Variants in TNRC6C observed in about 807,000 individuals in gnomAD.
The protein encoded by TNRC6C is trinucleotide repeat-containing gene 6C protein.
A neutral mutation model predicts 153.7 loss-of-function variants in TNRC6C; 20 were observed. The observed-to-expected ratio is 0.13, with a 90% CI of 0.09 to 0.19. The LOEUF is 0.19. TNRC6C is among the 10% of genes least tolerant of loss of function. TNRC6C has a pLI of 1.00. For missense variants in TNRC6C, 1,987 were observed against 2,172.0 expected (o/e 0.91, Z 1.69); for synonymous variants, 811 against 841.4 (o/e 0.96, Z 0.63).
At chr17:77,972,999 A>G (rs1431118749) in intron 1 of TNRC6C, among the ~76,000 whole-genome samples, 1 of 152,196 alleles carries the variant, frequency 6.6e-6, no homozygotes, top group Admixed American at 6.5e-5. Flanking sequence ...TCCGCCTCCC[A>G]GGTTCAAGCG....
At chr17:77,974,668 C>T (rs1179320646) in intron 1 of TNRC6C, among the ~76,000 whole-genome samples, 1 of 152,180 alleles carries the variant, frequency 6.6e-6, no homozygotes, top group African/African-American at 2.4e-5. Context: ...TTTATATTAC[C>T]ATTGTTATTC....
intron 1 of TNRC6C, among the ~76,000 whole-genome samples, chr17:77,972,539 G>T (rs1390829567): frequency 6.6e-6 from 1 of 151,470 alleles, no homozygotes; most frequent in East Asian, 1.9e-4. Flanking sequence ...ATGAAAGAGG[G>T]GACATGACTG....
At chr17:78,083,194 A>C in intron 11 of TNRC6C, 28 bp downstream of exon 13, 1 of 1,612,820 alleles carries the variant, frequency 6.2e-7, no homozygotes, top group Non-Finnish European at 8.5e-7. Flanking sequence ...TGCAAGTTAG[A>C]GCACGCAGGC....
At chr17:77,992,009 A>G (rs1412640693) in intron 1 of TNRC6C, among the ~76,000 whole-genome samples, 1 of 152,196 alleles carries the variant, frequency 6.6e-6, no homozygotes. Context: ...ACCTGTCTCA[A>G]CAAGATCGAT....
intron 1 of TNRC6C, among the ~76,000 whole-genome samples, chr17:77,959,674 G>A (rs1180119116): frequency 1.3e-5 from 2 of 152,172 alleles, no homozygotes; most frequent in Non-Finnish European, 2.9e-5. Flanking sequence ...TTGTTTGGGG[G>A]AAGAGAAAAA....
rs539016504 is a variant in TNRC6C at position 77,986,244 on chromosome 17, C to T, written c.-37-17926C>T. ...CATCCTGACCAACATGGAGAAACCT[C>T]GTCTCTATTAAAAATACAAAATTAG... On this transcript the variant is annotated intron_variant, in intron 1 of 22. Coordinates refer to the TNRC6C transcript ENST00000636222. 5.9e-5 allele frequency among the ~76,000 whole-genome samples: 9 copies of T among 152,118 alleles called. No individual in the cohort carries two copies. The East Asian group carries it at 1.5e-3, about 26-fold the overall frequency.
intron 1 of TNRC6C, among the ~76,000 whole-genome samples, chr17:78,006,170 G>A (rs1298254811): frequency 6.6e-6 from 1 of 152,182 alleles, no homozygotes; most frequent in East Asian, 1.9e-4. Flanking sequence ...GCTGGTTCTT[G>A]GTTAAGAACC....
chr17:77,959,154 C>G (rs954197670), upstream of TNRC6C: 1 of 144,288 alleles, frequency 6.9e-6, no homozygotes, highest in African/African-American at 2.5e-5. Context: ...TGAGCGGGCC[C>G]CCGCCGCCCG....
chr17:78,087,810 C>T (rs2073323666), intron 13 of TNRC6C, among the ~76,000 whole-genome samples: 2 of 152,158 alleles, frequency 1.3e-5, no homozygotes, highest in African/African-American at 4.8e-5. Context: ...GCACTTGAAA[C>T]CCGCAGGTCA....
At chr17:78,019,897 G>A (rs1057326913) in intron 1 of TNRC6C, among the ~76,000 whole-genome samples, 6 of 152,078 alleles carry the variant, frequency 3.9e-5, no homozygotes, top group African/African-American at 1.4e-4. Flanking sequence ...TGGTTTTTTA[G>A]ACAGTAATAG....
chr17:77,997,590 G>A (rs999984538), intron 1 of TNRC6C, among the ~76,000 whole-genome samples: 18 of 152,022 alleles, frequency 1.2e-4, no homozygotes, highest in African/African-American at 3.9e-4. Flanking sequence ...AGGGTGGAGC[G>A]GAGGCATGAG....
intron 1 of TNRC6C, among the ~76,000 whole-genome samples, chr17:78,009,840 A>G (rs1265329400): frequency 6.6e-6 from 1 of 152,068 alleles, no homozygotes; most frequent in Non-Finnish European, 1.5e-5. Flanking sequence ...GGCGTGAGCC[A>G]CTGCCCCTGG....
chr17:78,002,361 G>A (rs1236680291), upstream of TNRC6C, among the ~76,000 whole-genome samples: 1 of 152,122 alleles, frequency 6.6e-6, no homozygotes, highest in Non-Finnish European at 1.5e-5. Flanking sequence ...GAGGACAGAG[G>A]AAGCTCATAA....
intron 1 of TNRC6C, among the ~76,000 whole-genome samples, chr17:77,973,197 C>T (rs1179589119): frequency 2.6e-5 from 4 of 152,156 alleles, no homozygotes; most frequent in African/African-American, 4.8e-5. Context: ...TGAGCCACTA[C>T]GCCTGGGCAA....
intron 11 of TNRC6C, 69 bp from the exon 14 acceptor site, chr17:78,086,434 G>A: frequency 7.3e-7 from 1 of 1,363,446 alleles, no homozygotes; most frequent in Non-Finnish European, 1.0e-6. Flanking sequence ...ACTAATGTCA[G>A]AAAGTTGAAC....
intron 1 of TNRC6C, among the ~76,000 whole-genome samples, chr17:77,998,655 A>G (rs2071365753): frequency 6.6e-6 from 1 of 152,026 alleles, no homozygotes; most frequent in Non-Finnish European, 1.5e-5. Context: ...TTTAGTTCTA[A>G]ACTTTTATTT....
chr17:78,086,551 A>T (rs1280527849), exon 12 of TNRC6C: 1 of 1,613,928 alleles, frequency 6.2e-7, no homozygotes. Flanking sequence ...GGCCCAGCGT[A>T]ATGTGTCCGG....
intron 3 of TNRC6C, among the ~76,000 whole-genome samples, chr17:78,060,864 A>C (rs1015602321): frequency 2.6e-5 from 4 of 152,220 alleles, no homozygotes; most frequent in African/African-American, 9.7e-5. Flanking sequence ...AATTTCATCC[A>C]CTGACTTAAT....
chr17:78,059,602 C>T (rs530533970), intron 3 of TNRC6C, among the ~76,000 whole-genome samples: 1 of 152,294 alleles, frequency 6.6e-6, no homozygotes, highest in South Asian at 2.1e-4. Context: ...AATCCCAGCA[C>T]TTTGGGAGGC....
Sources: allele counts gnomAD v4.1 joint callset (sites outside exome capture counted in the v4.1 genomes callset), GRCh38; gene constraint gnomAD v4.1.1; transcripts MANE v1.5; gene names NCBI Gene and HGNC (gene_info 2026-07-23, HGNC 2026-07-21).